The following PADI6 variants were observed in gnomAD, a reference collection of about 807,000 sequenced individuals.
The protein encoded by PADI6 is inactive protein-arginine deiminase type-6.
In PADI6, 66 loss-of-function variants were observed where a neutral mutation model predicts 78.2. That is an observed-to-expected ratio of 0.84 (90% CI 0.69 to 1.04). The LOEUF (loss-of-function observed/expected upper bound fraction) is 1.04, where lower values mean the gene tolerates loss of function less well. Among genes scored for constraint, PADI6 ranks in the 50% least tolerant of loss-of-function variants. The pLI, the probability that PADI6 is intolerant of heterozygous loss-of-function variation, is 0.00. For missense variants in PADI6, 854 were observed against 866.1 expected (o/e 0.99, Z 0.18); for synonymous variants, 397 against 346.9 (o/e 1.14, Z -1.60).
rs2075219986 is a variant in PADI6, at chr1:17,394,067, C to T, written c.1167C>T (p.Pro389=). 4 of 1,613,658 alleles carry T rather than the reference C, an allele frequency of 2.5e-6. No homozygotes were observed. Among genetic ancestry groups the T allele is most frequent in the African/African-American group, 1.3e-5 (1 of 75,004 alleles). Residue 389 remains proline, a synonymous_variant, in exon 10 of 16, where the codon CCC becomes CCT. Coordinates refer to ENST00000619609, the MANE Select transcript of PADI6 (RefSeq NM_207421.4). ...AGGCCGCCGATCTCGATGAGTTCCC[C>T]ATGAAGTACTCACTGGTGTGGAACT... ...TPQAADLDEF[P]MKYSLSPGIG...
chr1:17,396,266 A>G lies in PADI6; in HGVS notation c.1618+603A>G, dbSNP rs554039045. ...CCGGGCATGGTGGTGCATGCCTGTAATCTCAGCTACTCGGGAGGCTGAGGC... is the reference window on the plus strand; with the variant it reads ...CCGGGCATGGTGGTGCATGCCTGTAGTCTCAGCTACTCGGGAGGCTGAGGC... On this transcript the variant is annotated intron_variant, in intron 13 of 15. Transcript: ENST00000619609. Among the ~76,000 whole-genome samples, 4 of 152,280 alleles carry G rather than the reference A, an allele frequency of 2.6e-5. No individual in the cohort carries two copies. The South Asian group carries it at 8.3e-4, about 32-fold the overall frequency.
chr1:17,381,895 AC>A, intron 5 of PADI6, 71 bp from the exon 6 acceptor site: 5 of 1,583,400 alleles, frequency 3.2e-6, no homozygotes, highest in Non-Finnish European at 4.3e-6. Context: ...GCCCCTCTCT[AC>A]TGCTCTTCCC....
At chr1:17,392,521 G>C (rs181943218) in intron 9 of PADI6, among the ~76,000 whole-genome samples, 16 of 152,316 alleles carry the variant, frequency 1.1e-4, no homozygotes, top group African/African-American at 3.4e-4. Context: ...AAGGCTGTGA[G>C]AGCTGGGCCA....
Position 17,373,083 on chromosome 1 carries a change from C to T in PADI6, c.144C>T (p.Phe48=), listed in dbSNP as rs775143476. Residue 48 remains phenylalanine (F), a synonymous_variant, in exon 2 of 16, where the codon TTC becomes TTT. Transcript: ENST00000619609. ...SGCAPQKCQC[F]TIHGSGRVLI... The stretch of plus-strand genomic sequence containing the variant: ...GTGCCCCCCAGAAGTGCCAGTGCTT[C>T]ACCATCCATGGCTCTGGGAGGGTCT... The T allele has an allele frequency of 7.4e-6, 12 of 1,613,850 alleles. No individual in the cohort carries two copies. Among genetic ancestry groups the T allele is most frequent in the Non-Finnish European group, 1.0e-5 (12 of 1,179,856 alleles).
At chr1:17,385,432 A>G (rs2075110448) in intron 6 of PADI6, among the ~76,000 whole-genome samples, 1 of 152,016 alleles carries the variant, frequency 6.6e-6, no homozygotes, top group Non-Finnish European at 1.5e-5. Context: ...GGGAAGTGTG[A>G]GGATGGAGGG....
intron 5 of PADI6, 71 bp downstream of exon 5, chr1:17,381,235 C>CT (rs1292503820): frequency 1.5e-6 from 2 of 1,332,220 alleles, no homozygotes; most frequent in Non-Finnish European, 2.1e-6. Context: ...CAAATGGATT[C>CT]CAGACTAATT....
In PADI6 at chr1:17,392,143, C is replaced by CAGT. The variant is rs1557605988; in HGVS notation, c.993_995dup (p.Val332dup). 6.4e-7 allele frequency: 1 copy of CAGT among 1,560,506 alleles called. No homozygotes were observed. The highest frequency in any genetic ancestry group is 1.9e-5 in the Admixed American group (1 of 51,876). On this transcript the variant is annotated inframe_insertion, in exon 9 of 16. Transcript: ENST00000619609. ...CTGCAGCTGCAGGGTTTTGTGGACACAGTGACGAAGCTGAGTGAGAAGAGC... is the reference window on the plus strand; with the variant it reads ...CTGCAGCTGCAGGGTTTTGTGGACACAGTAGTGACGAAGCTGAGTGAGAAGAGC...
intron 5 of PADI6, 66 bp from the exon 6 acceptor site, chr1:17,381,901 C>A: frequency 6.3e-7 from 1 of 1,599,396 alleles, no homozygotes. Flanking sequence ...CTCTACTGCT[C>A]TTCCCTCCAC....
chr1:17,400,590 A>G (rs957840475), intron 15 of PADI6, among the ~76,000 whole-genome samples: 1 of 152,204 alleles, frequency 6.6e-6, no homozygotes, highest in South Asian at 2.1e-4. Flanking sequence ...TGGGGCTGTG[A>G]GTACAAGAGG....
chr1:17,395,792 A>G, intron 13 of PADI6, 129 bp downstream of exon 13: 2 of 1,249,636 alleles, frequency 1.6e-6, no homozygotes, highest in East Asian at 2.6e-5. Context: ...TGGAATTGCC[A>G]TATTAGAACG....
chr1:17,399,043 T>C lies in PADI6; in HGVS notation c.1851+196T>C, dbSNP rs115451283. Reference sequence around the variant, plus strand: ...GAGCAAGTGTACAGGGCCTGAAGGCTTGGAGGTTCCCCAGGCAGTTACTAT... The same window carrying C: ...GAGCAAGTGTACAGGGCCTGAAGGCCTGGAGGTTCCCCAGGCAGTTACTAT... On this transcript the variant is annotated intron_variant, in intron 15 of 15. Coordinates refer to ENST00000619609, the MANE Select transcript of PADI6 (RefSeq NM_207421.4). Among the ~76,000 whole-genome samples the C allele has an allele frequency of 2.1e-3, 312 of 152,066 alleles. 2 individuals carry two copies. The highest frequency in any genetic ancestry group is 7.0e-3 in the African/African-American group (291 of 41,508).
chr1:17,397,039 C>T, intron 13 of PADI6, 32 bp from the exon 14 acceptor site: 1 of 1,606,754 alleles, frequency 6.2e-7, no homozygotes, highest in Non-Finnish European at 8.5e-7. Flanking sequence ...CATTCCCTGA[C>T]CAGCAGGCCT....
At chr1:17,398,648 TCCCCCGCCCCCCCCCC>T (rs2075269375) in intron 14 of PADI6, 22 bp from the exon 15 acceptor site, 16 of 194,662 alleles carry the variant, frequency 8.2e-5, no homozygotes, top group Middle Eastern at 1.6e-3. Context: ...CTCTCCTTGC[TCCCCCGCCCCCCCCCC>T]CACCCACCCA....
chr1:17,395,211 TTTTG>T (rs1196396298), intron 12 of PADI6, 104 bp downstream of exon 12: 11 of 1,386,272 alleles, frequency 7.9e-6, no homozygotes, highest in Non-Finnish European at 1.1e-5. Flanking sequence ...TTTTTTTTTT[TTTTG>T]TTTGTTTTTT....
chr1:17,396,866 G>A (rs2075252050), intron 13 of PADI6, among the ~76,000 whole-genome samples: 1 of 152,208 alleles, frequency 6.6e-6, no homozygotes, highest in Non-Finnish European at 1.5e-5. Flanking sequence ...AGTCCTGCCT[G>A]GGAGTTCTGG....
intron 14 of PADI6, among the ~76,000 whole-genome samples, chr1:17,397,619 T>C (rs2075259516): frequency 6.6e-6 from 1 of 152,140 alleles, no homozygotes; most frequent in Non-Finnish European, 1.5e-5. Context: ...TGAGAGCCAA[T>C]GATGGCCCAA....
chr1:17,391,678 A>G (rs886696263), intron 8 of PADI6, among the ~76,000 whole-genome samples: 1 of 152,182 alleles, frequency 6.6e-6, no homozygotes, highest in Non-Finnish European at 1.5e-5. Context: ...ACAACCATGC[A>G]TGGTGGCAGG....
At chr1:17,372,637 C>T (rs1426074706) in intron 1 of PADI6, among the ~76,000 whole-genome samples, 6 of 152,146 alleles carry the variant, frequency 3.9e-5, no homozygotes, top group Non-Finnish European at 8.8e-5. Flanking sequence ...CATGGGGACG[C>T]TGGCCTCGGG....
At chr1:17,391,589 T>C (rs975189065) in intron 8 of PADI6, among the ~76,000 whole-genome samples, 3 of 152,180 alleles carry the variant, frequency 2.0e-5, no homozygotes, top group Non-Finnish European at 2.9e-5. Flanking sequence ...CCACTGTAGA[T>C]CTGTGAGCCT....
Sources: allele counts gnomAD v4.1 joint callset (sites outside exome capture counted in the v4.1 genomes callset), GRCh38; gene constraint gnomAD v4.1.1; transcripts MANE v1.5; gene names NCBI Gene and HGNC (gene_info 2026-07-23, HGNC 2026-07-21).